The following CCDC88C variants were observed in gnomAD, a reference collection of about 807,000 sequenced individuals.
The protein encoded by CCDC88C is protein Daple.
Under a neutral mutation model 198.8 loss-of-function variants are expected in CCDC88C, and 131 were observed. The observed-to-expected ratio is 0.66, with a 90% confidence interval of 0.57 to 0.76. The LOEUF (loss-of-function observed/expected upper bound fraction) is 0.76, where lower values mean the gene tolerates loss of function less well. CCDC88C is among the 30% of genes least tolerant of loss of function. The pLI is 0.00. For synonymous variants in CCDC88C, 1,166 were observed against 1,114.7 expected, an observed-to-expected ratio of 1.05 and a Z score of -0.92; for missense variants, 2,553 against 2,631.6, an observed-to-expected ratio of 0.97 and a Z score of 0.65.
Position 91,272,323 on chromosome 14 carries a change from T to G in CCDC88C, c.*302A>C. The G allele has an allele frequency of 7.4e-6, 3 of 402,826 alleles. No individual in the cohort carries two copies. Among genetic ancestry groups the G allele is most frequent in the East Asian group, 5.3e-5 (1 of 19,008 alleles). The allele number at this position is 402,826 out of a possible 1,614,324, so 25.0% of individuals were successfully genotyped here. A position where few individuals can be genotyped will look rare whatever the true frequency, so the allele number is the denominator to read the frequency against. ...GGGACATACTGGAGTAGTGTCTGCT[T>G]TGGGGGAAGTCAGTTTGTCATTGCA... On this transcript the variant is annotated 3_prime_UTR_variant, in exon 30 of 30. Transcript: ENST00000389857.
chr14:91,382,086 T>C (rs928573102), intron 3 of CCDC88C, among the ~76,000 whole-genome samples: 1 of 152,174 alleles, frequency 6.6e-6, no homozygotes, highest in African/African-American at 2.4e-5. Flanking sequence ...AGACCCGCCA[T>C]TAAATACAGA....
intron 24 of CCDC88C, 49 bp from the exon 25 acceptor site, chr14:91,289,392 C>A: frequency 6.7e-7 from 1 of 1,493,004 alleles, no homozygotes; most frequent in South Asian, 1.1e-5. Flanking sequence ...CCACACACCC[C>A]CAGTGGGTCC....
chr14:91,374,706 C>G (rs1894995592), intron 3 of CCDC88C, among the ~76,000 whole-genome samples: 1 of 152,232 alleles, frequency 6.6e-6, no homozygotes, highest in Non-Finnish European at 1.5e-5. Flanking sequence ...AGTCTGGCAG[C>G]ATCTGCAGTG....
chr14:91,395,968 A>G (rs111431885), intron 3 of CCDC88C, among the ~76,000 whole-genome samples: 1,911 of 152,302 alleles, frequency 0.013, 40 homozygotes, highest in African/African-American at 0.043. Context: ...CAACTTTTAC[A>G]GTACTGGCTG....
At chr14:91,311,859 A>G (rs1891842013) in intron 15 of CCDC88C, among the ~76,000 whole-genome samples, 1 of 152,206 alleles carries the variant, frequency 6.6e-6, no homozygotes, top group Non-Finnish European at 1.5e-5. Flanking sequence ...TATACCCTAA[A>G]AAATAGTTTG....
chr14:91,335,308 G>A (rs1396460852), intron 10 of CCDC88C, among the ~76,000 whole-genome samples: 1 of 152,054 alleles, frequency 6.6e-6, no homozygotes, highest in African/African-American at 2.4e-5. Context: ...TGATGGGCAC[G>A]ATGCACGCTG....
chr14:91,362,720 G>A (rs1318027139), intron 3 of CCDC88C, among the ~76,000 whole-genome samples: 2 of 152,152 alleles, frequency 1.3e-5, no homozygotes, highest in African/African-American at 4.8e-5. Context: ...ATGAAGTCAG[G>A]AGATCGAGAC....
In CCDC88C at chr14:91,325,648, C is replaced by G. The variant is rs543248325; in HGVS notation, c.1197+262G>C. On this transcript the variant is annotated intron_variant, in intron 11 of 29. Coordinates refer to ENST00000389857, the MANE Select transcript of CCDC88C (RefSeq NM_001080414.4). The surrounding 1 kb of genome is among the most constrained non-coding windows in gnomAD (Gnocchi z 4.1). ...CTGGAATGCAATGGTGTGATCACGG[C>G]TCACTGCAGCCTCAACCTCCCAGGC... Among the ~76,000 whole-genome samples the G allele has an allele frequency of 5.9e-5, 9 of 152,280 alleles. No individual in the cohort carries two copies. The South Asian group carries it at 1.7e-3, about 28-fold the overall frequency.
At chr14:91,301,899 C>T (rs1319023061) in intron 20 of CCDC88C, among the ~76,000 whole-genome samples, 2 of 152,086 alleles carry the variant, frequency 1.3e-5, no homozygotes, top group Non-Finnish European at 2.9e-5. Flanking sequence ...CACAGCACCA[C>T]GTACACAATA....
intron 3 of CCDC88C, among the ~76,000 whole-genome samples, chr14:91,407,885 C>T (rs752361096): frequency 2.7e-5 from 4 of 147,428 alleles, no homozygotes; most frequent in African/African-American, 8.1e-5. Context: ...CAGGTTCAAG[C>T]GATTCTCCTG....
chr14:91,369,454 C>T (rs568859328), intron 3 of CCDC88C, among the ~76,000 whole-genome samples: 15 of 152,364 alleles, frequency 9.8e-5, no homozygotes, highest in Admixed American at 1.3e-4. Context: ...GATCCACCCA[C>T]CTCGGCCTCC....
chr14:91,363,761 T>C (rs1435700527), intron 3 of CCDC88C, among the ~76,000 whole-genome samples: 1 of 152,268 alleles, frequency 6.6e-6, no homozygotes, highest in Non-Finnish European at 1.5e-5. Context: ...GAAGGCCACA[T>C]GCGACTGGTG....
rs886566552 is a variant in CCDC88C at position 91,338,233 on chromosome 14, C to T, written c.892-70G>A. ...CTAGGAAGGGCAGAAAGGCCATTGCCCTTCTGCATGGTGTCTCCACGACGG... is the reference window on the plus strand; with the variant it reads ...CTAGGAAGGGCAGAAAGGCCATTGCTCTTCTGCATGGTGTCTCCACGACGG... On this transcript the variant is annotated intron_variant, in intron 9 of 29. Coordinates refer to ENST00000389857, the MANE Select transcript of CCDC88C (RefSeq NM_001080414.4). This position sits in a 1 kb window ranked among gnomAD's most constrained non-coding sequence, Gnocchi z 4.8. 6 of 1,566,330 alleles carry T rather than the reference C, an allele frequency of 3.8e-6. No homozygotes were observed. The East Asian group carries it at 6.8e-5, about 18-fold the overall frequency.
In CCDC88C at chr14:91,294,281, T is replaced by C. The variant is rs761981033; in HGVS notation, c.4004A>G (p.Asn1335Ser). The change falls in exon 23 of 30, where the codon AAT (asparagine) becomes AGT (serine). Residue 1335 changes from asparagine to serine, a missense_variant. Coordinates refer to ENST00000389857, the MANE Select transcript of CCDC88C (RefSeq NM_001080414.4). ...CTGGATCTGGCTCAGGAGGTGATGATTTTCTTCCTCCAAGTTCCCCTTGAG... is the reference window on the plus strand; with the variant it reads ...CTGGATCTGGCTCAGGAGGTGATGACTTTCTTCCTCCAAGTTCCCCTTGAG... Reference protein sequence around the residue: ...SRLKGNLEEENHHLLSQIQLL... With the variant: ...SRLKGNLEEESHHLLSQIQLL... 1 of 1,613,978 alleles carries C rather than the reference T, an allele frequency of 6.2e-7. No homozygotes were observed. The highest frequency in any genetic ancestry group is 1.1e-5 in the South Asian group (1 of 91,084).
intron 2 of CCDC88C, 40 bp from the exon 3 acceptor site, chr14:91,408,807 G>C: frequency 7.4e-7 from 1 of 1,343,574 alleles, no homozygotes; most frequent in Non-Finnish European, 1.1e-6. Flanking sequence ...GCATCTCCCA[G>C]CAGCTGCCAC....
Position 91,313,732 on chromosome 14 carries a change from A to C in CCDC88C, c.2084T>G (p.Leu695Arg), listed in dbSNP as rs1891955612. 2 of 1,609,336 alleles carry C rather than the reference A, an allele frequency of 1.2e-6. No individual in the cohort carries two copies. The highest frequency in any genetic ancestry group is 4.5e-5 in the East Asian group (2 of 44,836). The change falls in exon 15 of 30, where the codon CTG becomes CGG. Residue 695 changes from leucine to arginine, a missense_variant. By Grantham distance (102) the Leu-to-Arg change is moderately radical. Around this residue, in one of 2 missense-constraint regions of CCDC88C, gnomAD observed 1,260 missense variants for 1,412.0 expected, o/e 0.89. Transcript: ENST00000389857. The surrounding 1 kb of genome is among the most constrained non-coding windows in gnomAD (Gnocchi z 5.2). ...GTCCAGCTGCTTGTTGTCACGCTCCAGGCCCTCAAGCTGCAGGGACACGTT... is the reference window on the plus strand; with the variant it reads ...GTCCAGCTGCTTGTTGTCACGCTCCCGGCCCTCAAGCTGCAGGGACACGTT... ...LQNVSLQLEGLERDNKQLDAE... is the reference protein window; with the variant it reads ...LQNVSLQLEGRERDNKQLDAE...
rs547959824 is a variant in CCDC88C at position 91,303,576 on chromosome 14, T to C, written c.3635+125A>G. 401 of 785,398 alleles carry C rather than the reference T, an allele frequency of 5.1e-4. 2 individuals carry two copies. In the South Asian group the frequency reaches 7.3e-3, roughly 14 times the overall value. The allele number at this position is 785,398 out of a possible 1,614,324, so 48.7% of individuals were successfully genotyped here. ...CCATCTCCTCCAGGCTCCACCCATCTTCCCCAGGCCCTGCCTCTCCCCTAG... is the reference window on the plus strand; with the variant it reads ...CCATCTCCTCCAGGCTCCACCCATCCTCCCCAGGCCCTGCCTCTCCCCTAG... On this transcript the variant is annotated intron_variant, in intron 20 of 29. Coordinates refer to ENST00000389857, the MANE Select transcript of CCDC88C (RefSeq NM_001080414.4).
chr14:91,397,145 C>G (rs1302357999), intron 3 of CCDC88C, among the ~76,000 whole-genome samples: 2 of 152,180 alleles, frequency 1.3e-5, no homozygotes, highest in African/African-American at 4.8e-5. Flanking sequence ...TGGGGGAAGT[C>G]CCGATGTGTC....
chr14:91,349,105 G>C (rs1006437885), intron 4 of CCDC88C, among the ~76,000 whole-genome samples: 5 of 152,162 alleles, frequency 3.3e-5, no homozygotes. Context: ...CTGGGTCCTT[G>C]CCAGTAAGAC....
Sources: gnomAD v4.1 joint callset for allele counts (sites outside exome capture counted in the v4.1 genomes callset) on GRCh38, gnomAD v4.1.1 for gene constraint, gnomAD v4.1.1 regional missense constraint, Gnocchi (gnomAD v3.1) non-coding constraint, MANE v1.5 for transcripts, NCBI Gene and HGNC (gene_info 2026-07-23, HGNC 2026-07-21) for gene names.